Variants in SLC25A12 observed in about 807,000 individuals in gnomAD.
SLC25A12 encodes solute carrier family 25 member 12, also known as electrogenic aspartate/glutamate antiporter SLC25A12, mitochondrial.
SLC25A12 carries 32 observed loss-of-function variants against 83.3 expected under a neutral mutation model. The ratio of observed to expected loss-of-function variants is 0.38; its 90% CI spans 0.29 to 0.52. The LOEUF (loss-of-function observed/expected upper bound fraction) is 0.52, where lower values mean the gene tolerates loss of function less well. SLC25A12 is among the 20% of genes least tolerant of loss of function. SLC25A12 has a pLI of 0.84. For synonymous variants in SLC25A12, 267 were observed against 291.1 expected (o/e 0.92, Z 0.84); for missense variants, 611 against 835.6 (o/e 0.73, Z 3.31).
At chr2:171,834,218 T>C (rs951041225) in intron 7 of SLC25A12, 162 bp from the exon 8 acceptor site, 2 of 583,342 alleles carry the variant, frequency 3.4e-6, no homozygotes, top group African/African-American at 3.8e-5. Flanking sequence ...TATACAAGAA[T>C]ATGCATTTCT....
chr2:171,830,078 T>C (rs904458802), intron 8 of SLC25A12, among the ~76,000 whole-genome samples: 1 of 152,226 alleles, frequency 6.6e-6, no homozygotes, highest in Non-Finnish European at 1.5e-5. Flanking sequence ...TTAGAAAATA[T>C]ACCAATCTGG....
At chr2:171,822,219 A>C (rs929191569) in intron 9 of SLC25A12, among the ~76,000 whole-genome samples, 1 of 152,214 alleles carries the variant, frequency 6.6e-6, no homozygotes, top group Non-Finnish European at 1.5e-5. Flanking sequence ...GTTTCAGCCC[A>C]TCTTGGAGTT....
At chr2:171,803,941 A>G (rs1481518399) in intron 13 of SLC25A12, among the ~76,000 whole-genome samples, 1 of 152,204 alleles carries the variant, frequency 6.6e-6, no homozygotes, top group African/African-American at 2.4e-5. Context: ...CAGTCCTGAA[A>G]ATGCTAATTA....
chr2:171,868,474 C>A (rs996853642), intron 3 of SLC25A12, among the ~76,000 whole-genome samples: 1 of 151,730 alleles, frequency 6.6e-6, no homozygotes, highest in Non-Finnish European at 1.5e-5. Flanking sequence ...GCCACCATGC[C>A]CAGCTAATTT....
intron 11 of SLC25A12, among the ~76,000 whole-genome samples, chr2:171,812,619 CG>C (rs3836023): frequency 6.6e-6 from 1 of 151,390 alleles, no homozygotes; most frequent in Non-Finnish European, 1.5e-5. Context: ...ACAAAGACAA[CG>C]GGGGGTGGGG....
chr2:171,843,863 C>A (rs1684735898), intron 5 of SLC25A12, among the ~76,000 whole-genome samples: 1 of 146,284 alleles, frequency 6.8e-6, no homozygotes, highest in African/African-American at 2.5e-5. Context: ...TGGTGTGATC[C>A]CAGCTCACTG....
At chr2:171,788,283 T>C (rs1690527512) in intron 15 of SLC25A12, 1 of 236,674 alleles carries the variant, frequency 4.2e-6, no homozygotes, top group Non-Finnish European at 8.4e-6. Context: ...TTACCTCCTT[T>C]TTTTCTTAAA....
chr2:171,869,812 A>G (rs893065058), intron 2 of SLC25A12, among the ~76,000 whole-genome samples: 4 of 152,094 alleles, frequency 2.6e-5, no homozygotes, highest in Non-Finnish European at 4.4e-5. Context: ...TCAAGCATGA[A>G]AAATTAAAGC....
At chr2:171,876,959 C>T (rs1685587669) in intron 2 of SLC25A12, among the ~76,000 whole-genome samples, 1 of 152,140 alleles carries the variant, frequency 6.6e-6, no homozygotes. Flanking sequence ...AATAGCTGGT[C>T]CATTTTCTTG....
At chr2:171,824,890 A>G (rs1352566811) in intron 9 of SLC25A12, among the ~76,000 whole-genome samples, 2 of 152,004 alleles carry the variant, frequency 1.3e-5, no homozygotes, top group African/African-American at 4.8e-5. Context: ...TGCAACCTCA[A>G]CTTCCTGGGC....
At chr2:171,787,427 T>A in intron 17 of SLC25A12, 144 bp downstream of exon 17, 6 of 776,944 alleles carry the variant, frequency 7.7e-6, no homozygotes, top group Non-Finnish European at 2.4e-6. Context: ...AAATGCTTCT[T>A]AAGCTCACTG....
intron 2 of SLC25A12, among the ~76,000 whole-genome samples, chr2:171,890,635 C>T (rs1242842758): frequency 6.6e-6 from 1 of 152,130 alleles, no homozygotes; most frequent in Non-Finnish European, 1.5e-5. Flanking sequence ...ATGGATGCCA[C>T]CAGGTGTGGC....
intron 2 of SLC25A12, among the ~76,000 whole-genome samples, chr2:171,891,816 T>A (rs1685945106): frequency 6.6e-6 from 1 of 152,246 alleles, no homozygotes; most frequent in South Asian, 2.1e-4. Flanking sequence ...TTTCTGTTAT[T>A]ATAATTACTT....
At chr2:171,834,967 G>A (rs2105886836) in intron 6 of SLC25A12, 102 bp from the exon 7 acceptor site, 1 of 1,255,298 alleles carries the variant, frequency 8.0e-7, no homozygotes, top group Non-Finnish European at 1.1e-6. Context: ...AGTCTTCACT[G>A]TTAAAATGAT....
intron 6 of SLC25A12, 74 bp downstream of exon 6, chr2:171,837,045 CCT>C (rs753926672): frequency 6.9e-6 from 10 of 1,445,378 alleles, no homozygotes; most frequent in Non-Finnish European, 9.7e-6. Context: ...CATATGAGTC[CCT>C]GGAGGCAATC....
rs1253544053 is a variant in SLC25A12, at chr2:171,866,582, G to A, written c.209+2099C>T. 3.8e-5 allele frequency among the ~76,000 whole-genome samples: 5 copies of A among 132,524 alleles called. No homozygotes were observed. The South Asian group carries it at 7.1e-4, about 19-fold the overall frequency. 86.9% of individuals were successfully genotyped at this position (132,524 alleles called of 152,430 possible). A position where few individuals can be genotyped will look rare whatever the true frequency, so the allele number is the denominator to read the frequency against. ...TCCCGAACCGGGCGGCTGGCCGGGC[G>A]GGGGGCTGACCCCCCCACCTCCCTC... On this transcript the variant is annotated intron_variant, in intron 3 of 17. Transcript: ENST00000422440.
At position 171,844,416 on chromosome 2, in the gene SLC25A12, T is replaced by A; in HGVS notation, c.418A>T (p.Asn140Tyr). ...CEFIRLHFGH[N>Y]RKKHLNYTEF... ...GTGTAGTTAAGATGCTTCTTCCGGT[T>A]ATGCCCAAAATGCAGTCGGATAAAT... Residue 140 changes from asparagine to tyrosine, a missense_variant, in exon 5 of 18, where the codon AAC becomes TAC. Asn to Tyr is a moderately radical substitution (Grantham distance 143). Transcript: ENST00000422440. 1 of 1,614,068 alleles carries A rather than the reference T, an allele frequency of 6.2e-7. No individual in the cohort carries two copies. Among genetic ancestry groups the A allele is most frequent in the Non-Finnish European group, 8.5e-7 (1 of 1,179,954 alleles).
intron 14 of SLC25A12, 117 bp from the exon 15 acceptor site, chr2:171,791,706 G>C: frequency 1.1e-6 from 1 of 945,444 alleles, no homozygotes; most frequent in East Asian, 2.4e-5. Context: ...TGACAAGCCT[G>C]AGGTGTCCCT....
intron 2 of SLC25A12, among the ~76,000 whole-genome samples, chr2:171,882,709 C>T (rs550759054): frequency 4.6e-5 from 7 of 152,240 alleles, no homozygotes; most frequent in Admixed American, 2.0e-4. Flanking sequence ...AGAAACCCAA[C>T]GCTGGCCATA....
Sources: allele counts gnomAD v4.1 joint callset (sites outside exome capture counted in the v4.1 genomes callset), GRCh38; gene constraint gnomAD v4.1.1; transcripts MANE v1.5; gene names NCBI Gene and HGNC (gene_info 2026-07-23, HGNC 2026-07-21).